EHBP1: variants seen among roughly 807,000 people sequenced by gnomAD.
EHBP1 encodes EH domain binding protein 1.
A neutral mutation model predicts 144.0 loss-of-function variants in EHBP1; 55 were observed. That is an observed-to-expected ratio of 0.38 (90% CI 0.31 to 0.48). The LOEUF (loss-of-function observed/expected upper bound fraction) is 0.48. EHBP1 is among the 20% of genes least tolerant of loss of function. The probability of loss-of-function intolerance (pLI) is 0.98; values close to 1 mark genes in which losing one functional copy is unlikely to be tolerated. For missense variants in EHBP1, 1,200 were observed against 1,364.2 expected (o/e 0.88, Z 1.90); for synonymous variants, 469 against 472.7 (o/e 0.99, Z 0.10).
intron 5 of EHBP1, among the ~76,000 whole-genome samples, chr2:62,803,773 C>G (rs577640627): frequency 6.6e-6 from 1 of 152,282 alleles, no homozygotes; most frequent in Non-Finnish European, 1.5e-5. Context: ...ACACAGCAAG[C>G]TTTCAGTATT....
chr2:63,018,371 C>T (rs987822295), intron 19 of EHBP1, among the ~76,000 whole-genome samples: 1 of 152,078 alleles, frequency 6.6e-6, no homozygotes, highest in Non-Finnish European at 1.5e-5. Flanking sequence ...GCTTCTGTTG[C>T]TATCTGTATT....
upstream of EHBP1, among the ~76,000 whole-genome samples, chr2:62,703,333 A>G (rs1572889438): frequency 6.6e-6 from 1 of 151,884 alleles, no homozygotes; most frequent in African/African-American, 2.4e-5. Flanking sequence ...ACAGAGAGAA[A>G]CCCCGTCTCA....
chr2:63,040,481 G>A (rs1044888907), intron 21 of EHBP1, among the ~76,000 whole-genome samples: 2 of 152,036 alleles, frequency 1.3e-5, no homozygotes, highest in East Asian at 3.8e-4. Context: ...TTAAATAATC[G>A]AATATTTTAT....
intron 10 of EHBP1, among the ~76,000 whole-genome samples, chr2:62,888,725 G>A (rs560182570): frequency 2.0e-5 from 3 of 152,254 alleles, no homozygotes; most frequent in African/African-American, 7.2e-5. Flanking sequence ...GGCTACTTTA[G>A]GGCATATTAC....
intron 7 of EHBP1, among the ~76,000 whole-genome samples, chr2:62,836,046 G>A (rs950689744): frequency 3.9e-5 from 6 of 151,994 alleles, no homozygotes; most frequent in Non-Finnish European, 8.8e-5. Context: ...GCAGGGCACA[G>A]ACAAACAAAA....
At chr2:62,955,314 G>C (rs2057629330) in intron 13 of EHBP1, among the ~76,000 whole-genome samples, 1 of 152,076 alleles carries the variant, frequency 6.6e-6, no homozygotes, top group Non-Finnish European at 1.5e-5. Flanking sequence ...AGACAGTAAA[G>C]ATGTATTTCC....
At chr2:62,688,406 G>A (rs1215713731) in intron 1 of EHBP1, among the ~76,000 whole-genome samples, 4 of 151,984 alleles carry the variant, frequency 2.6e-5, no homozygotes, top group Non-Finnish European at 5.9e-5. Flanking sequence ...GTGATGTTTT[G>A]TATATGTATA....
chr2:62,986,512 G>A (rs1264200351), intron 15 of EHBP1, among the ~76,000 whole-genome samples: 1 of 147,218 alleles, frequency 6.8e-6, no homozygotes, highest in Non-Finnish European at 1.5e-5. Flanking sequence ...GCGCGATCTC[G>A]GCTCACTGCA....
At chr2:62,793,604 G>C (rs994551716) in intron 5 of EHBP1, among the ~76,000 whole-genome samples, 1 of 151,962 alleles carries the variant, frequency 6.6e-6, no homozygotes, top group Admixed American at 6.6e-5. Context: ...AAAGTTGAAG[G>C]GAACCACCTG....
chr2:63,002,911 G>T (rs2059904432), intron 19 of EHBP1, among the ~76,000 whole-genome samples: 1 of 151,950 alleles, frequency 6.6e-6, no homozygotes, highest in Non-Finnish European at 1.5e-5. Flanking sequence ...ATGAAACCAA[G>T]ACATTAAAAA....
At chr2:62,798,005 G>A (rs1399290722) in intron 5 of EHBP1, among the ~76,000 whole-genome samples, 1 of 152,110 alleles carries the variant, frequency 6.6e-6, no homozygotes, top group Admixed American at 6.5e-5. Context: ...TTTAAAATAA[G>A]GCATATCTGG....
At chr2:62,887,375 G>A (rs111268540) in intron 10 of EHBP1, among the ~76,000 whole-genome samples, 3,216 of 152,214 alleles carry the variant, frequency 0.021, 82 homozygotes, top group African/African-American at 0.064. Flanking sequence ...AAATGTAAAT[G>A]AGCCTAAATC....
upstream of EHBP1, among the ~76,000 whole-genome samples, chr2:62,702,723 T>C (rs761702148): frequency 6.6e-6 from 1 of 152,248 alleles, no homozygotes; most frequent in Non-Finnish European, 1.5e-5. Flanking sequence ...TGGCACTAAG[T>C]ATTGCCCAAG....
At chr2:62,725,358 G>C (rs2036662666) in intron 2 of EHBP1, among the ~76,000 whole-genome samples, 1 of 152,330 alleles carries the variant, frequency 6.6e-6, no homozygotes, top group East Asian at 1.9e-4. Flanking sequence ...GGGTCCCGGG[G>C]TGCCTGCCTC....
chr2:62,745,213 A>G (rs1303712079), intron 2 of EHBP1, among the ~76,000 whole-genome samples: 1 of 152,146 alleles, frequency 6.6e-6, no homozygotes, highest in African/African-American at 2.4e-5. Context: ...ATTAGTTGGT[A>G]GGATTACAAA....
intron 10 of EHBP1, among the ~76,000 whole-genome samples, chr2:62,875,149 T>C (rs2050788674): frequency 6.6e-6 from 1 of 152,198 alleles, no homozygotes. Flanking sequence ...CCAGTGCAAG[T>C]GCACATGCAC....
intron 2 of EHBP1, among the ~76,000 whole-genome samples, chr2:62,718,241 T>A (rs1159414198): frequency 6.6e-6 from 1 of 152,212 alleles, no homozygotes; most frequent in Non-Finnish European, 1.5e-5. Flanking sequence ...CTTGGGAAAT[T>A]TAGAAGAATG....
chr2:62,989,325 AT>A (rs948119055), intron 15 of EHBP1, among the ~76,000 whole-genome samples: 15 of 152,050 alleles, frequency 9.9e-5, no homozygotes, highest in African/African-American at 3.6e-4. Flanking sequence ...ACTGGATTTA[AT>A]TTTTTAATAC....
intron 21 of EHBP1, among the ~76,000 whole-genome samples, 184 bp downstream of exon 21, chr2:63,039,000 A>T (rs1311859109): frequency 6.6e-6 from 1 of 152,230 alleles, no homozygotes; most frequent in Non-Finnish European, 1.5e-5. Flanking sequence ...TCAGATAGAT[A>T]ATCATTATGT....
Sources: gnomAD v4.1 joint callset for allele counts (sites outside exome capture counted in the v4.1 genomes callset) on GRCh38, gnomAD v4.1.1 for gene constraint, MANE v1.5 for transcripts, NCBI Gene and HGNC (gene_info 2026-07-23, HGNC 2026-07-21) for gene names.